Variants in POLR3E observed in about 807,000 individuals in gnomAD.
POLR3E encodes the protein RNA polymerase III subunit E.
A neutral mutation model predicts 96.6 loss-of-function variants in POLR3E; 41 were observed. That is an observed-to-expected ratio of 0.42 (90% CI 0.33 to 0.55). The LOEUF is 0.55. Ranked by LOEUF, POLR3E falls within the 20% of genes least tolerant of loss-of-function variation. The pLI is 0.06. For missense variants in POLR3E, 849 were observed against 952.1 expected (o/e 0.89, Z 1.43); for synonymous variants, 396 against 383.6 (o/e 1.03, Z -0.38).
At position 22,322,022 on chromosome 16, in the gene POLR3E, C is replaced by T. The variant is rs565375356; in HGVS notation, c.987-828C>T. On this transcript the variant is annotated intron_variant, in intron 13 of 20. Coordinates refer to ENST00000299853, the MANE Select transcript of POLR3E (RefSeq NM_018119.4). The surrounding 1 kb of genome is among the most constrained non-coding windows in gnomAD (Gnocchi z 5.2). ...CTGTTACATTTGAGCTCCCTGAATG[C>T]AGAGATCATGGCATGGACCAGGTTT... Among the ~76,000 whole-genome samples, 4 of 152,346 alleles carry T rather than the reference C, an allele frequency of 2.6e-5. No homozygotes were observed. The highest frequency in any genetic ancestry group is 5.9e-5 in the Non-Finnish European group (4 of 68,034).
chr16:22,306,589 G>A (rs1312074559), intron 3 of POLR3E, among the ~76,000 whole-genome samples: 3 of 152,212 alleles, frequency 2.0e-5, no homozygotes, highest in African/African-American at 7.2e-5. Flanking sequence ...ATGTTCCATT[G>A]TATGGGAGAC....
In POLR3E at chr16:22,318,397, T is replaced by C. The variant is rs117441360; in HGVS notation, c.866-429T>C. ...GTGTGAGCCAAAGCGCCCAGCCAAA[T>C]TTTGGACTTTCCCTGGGCCCTGCCC... On this transcript the variant is annotated intron_variant, in intron 12 of 20. Transcript: ENST00000299853. The surrounding 1 kb of genome is among the most constrained non-coding windows in gnomAD (Gnocchi z 5.0). Among the ~76,000 whole-genome samples, 132 of 152,236 alleles carry C rather than the reference T, an allele frequency of 8.7e-4. 2 individuals carry two copies. In the East Asian group the frequency reaches 0.016, roughly 18 times the overall value.
rs1257802067 is a variant in POLR3E at position 22,324,810 on chromosome 16, G to T, written c.1286+150G>T. ...CTGGATCTGGGTGTGAAGGGCAGGTGGGGGTCCGCAGGCCCCACGCTCCTC... is the reference window on the plus strand; with the variant it reads ...CTGGATCTGGGTGTGAAGGGCAGGTTGGGGTCCGCAGGCCCCACGCTCCTC... On this transcript the variant is annotated intron_variant, in intron 16 of 20. Coordinates refer to ENST00000299853, the MANE Select transcript of POLR3E (RefSeq NM_018119.4). 5 of 834,424 alleles carry T rather than the reference G, an allele frequency of 6.0e-6. No individual in the cohort carries two copies. In the Admixed American group the frequency reaches 1.0e-4, roughly 17 times the overall value. The allele number at this position is 834,424 out of a possible 1,614,324, so 51.7% of individuals were successfully genotyped here. A position where few individuals can be genotyped will look rare whatever the true frequency, so the allele number is the denominator to read the frequency against.
intron 2 of POLR3E, among the ~76,000 whole-genome samples, chr16:22,303,401 C>T (rs1429386693): frequency 1.3e-5 from 2 of 152,154 alleles, no homozygotes; most frequent in Non-Finnish European, 2.9e-5. Context: ...TGCCTGGCAC[C>T]CAGGTACCCG....
intron 20 of POLR3E, among the ~76,000 whole-genome samples, 185 bp downstream of exon 20, chr16:22,332,370 G>T (rs576906367): frequency 1.3e-5 from 2 of 152,288 alleles, no homozygotes; most frequent in South Asian, 4.2e-4. Flanking sequence ...AAGGGGGTAT[G>T]TGCCAGAGGA....
chr16:22,321,980 G>C (rs910187908), intron 13 of POLR3E, among the ~76,000 whole-genome samples: 1 of 152,242 alleles, frequency 6.6e-6, no homozygotes, highest in African/African-American at 2.4e-5. Context: ...TTCAGACACT[G>C]CCCCTGGGGA....
intron 12 of POLR3E, among the ~76,000 whole-genome samples, chr16:22,317,507 A>C (rs2048381904): frequency 6.6e-6 from 1 of 152,110 alleles, no homozygotes; most frequent in African/African-American, 2.4e-5. Flanking sequence ...CAGGTCATGA[A>C]CCTTTCTGAG....
Position 22,322,687 on chromosome 16 carries a change from A to T in POLR3E, c.987-163A>T, listed in dbSNP as rs1461983833. Among the ~76,000 whole-genome samples the T allele has an allele frequency of 6.6e-6, 1 of 151,266 alleles. No individual in the cohort carries two copies. The highest frequency in any genetic ancestry group is 1.5e-5 in the Non-Finnish European group (1 of 67,842). On this transcript the variant is annotated intron_variant, in intron 13 of 20. Coordinates refer to ENST00000299853, the MANE Select transcript of POLR3E (RefSeq NM_018119.4). The surrounding 1 kb of genome is among the most constrained non-coding windows in gnomAD (Gnocchi z 5.2). ...TGGGGTAGAGGGGTGCTTCTTTCCC[A>T]TGTCTGTGTTCACAGATGTGGCTCC...
intron 8 of POLR3E, 148 bp from the exon 9 acceptor site, chr16:22,314,941 A>G: frequency 1.3e-6 from 1 of 759,630 alleles, no homozygotes; most frequent in Non-Finnish European, 2.0e-6. Context: ...ACACGGTTGG[A>G]ACGGAATTTA....
chr16:22,325,825 C>A lies in POLR3E; in HGVS notation c.1413C>A (p.Asn471Lys), dbSNP rs1351555402. 3 of 1,610,276 alleles carry A rather than the reference C, an allele frequency of 1.9e-6. No individual in the cohort carries two copies. Among genetic ancestry groups the A allele is most frequent in the East Asian group, 4.5e-5 (2 of 44,848 alleles). ...TAGCCAAAACCAAGGCCCAGCAGAA[C>A]CACGCGTTGCTGGAGCGGGAGCTGC... ...IQVAKTKAQQ[N>K]HALLERELQR... The change falls in exon 18 of 21, where the codon AAC becomes AAA. Residue 471 changes from asparagine to lysine, a missense_variant. Transcript: ENST00000299853.
At chr16:22,321,736 C>G (rs993127076) in intron 13 of POLR3E, among the ~76,000 whole-genome samples, 7 of 152,182 alleles carry the variant, frequency 4.6e-5, no homozygotes, top group Admixed American at 2.6e-4. Context: ...GGAGGTGCTG[C>G]CCCTTTTAGT....
chr16:22,309,353 G>A (rs1184737777), intron 5 of POLR3E, 75 bp from the exon 6 acceptor site: 2 of 1,092,878 alleles, frequency 1.8e-6, no homozygotes, highest in Non-Finnish European at 2.8e-6. Flanking sequence ...TGTCTAGGGG[G>A]TGGGGTGCGC....
Position 22,326,202 on chromosome 16 carries a change from C to T in POLR3E, c.1790C>T (p.Thr597Ile). The T allele has an allele frequency of 1.9e-6, 3 of 1,613,938 alleles. No homozygotes were observed. Among genetic ancestry groups the T allele is most frequent in the Non-Finnish European group, 2.5e-6 (3 of 1,179,990 alleles). The stretch of plus-strand genomic sequence containing the variant: ...TTGGCCAGCCTGCCCCCCGGCCACA[C>T]ACTCTTCAGCGGCATCTCGGACCGC... ...LHLASLPPGH[T>I]LFSGISDRML... Residue 597 changes from threonine (T) to isoleucine (I), a missense_variant, in exon 18 of 21, where the codon ACA (threonine) becomes ATA (isoleucine). By Grantham distance (89) the Thr-to-Ile change is moderately conservative. Coordinates refer to ENST00000299853, the MANE Select transcript of POLR3E (RefSeq NM_018119.4).
chr16:22,299,906 C>T (rs988031194), intron 1 of POLR3E, among the ~76,000 whole-genome samples: 2 of 151,976 alleles, frequency 1.3e-5, no homozygotes, highest in Non-Finnish European at 2.9e-5. Flanking sequence ...GGGCGGGGGG[C>T]GCCTCACTAT....
chr16:22,315,122 C>T lies in POLR3E; in HGVS notation c.556C>T (p.Arg186Cys), dbSNP rs747148570. ...RFSRPESEQA[R>C]QRRVQSYEFL... ...CTCCCGGCCGGAGTCAGAGCAGGCC[C>T]GCCAGCGCCGTGTGCAGTCCTATGA... is the stretch of plus-strand genomic sequence containing the variant. Residue 186 changes from arginine to cysteine, a missense_variant, in exon 9 of 21, where the codon CGC becomes TGC. Coordinates refer to ENST00000299853, the MANE Select transcript of POLR3E (RefSeq NM_018119.4). 9.3e-6 allele frequency: 15 copies of T among 1,613,314 alleles called. No homozygotes were observed. Among genetic ancestry groups the T allele is most frequent in the South Asian group, 1.1e-5 (1 of 90,910 alleles).
rs528568722 is a variant in POLR3E, at chr16:22,311,691, T to C, written c.365-1929T>C. Among the ~76,000 whole-genome samples the C allele has an allele frequency of 2.6e-5, 4 of 152,124 alleles. No homozygotes were observed. The South Asian group carries it at 8.3e-4, about 32-fold the overall frequency. On this transcript the variant is annotated intron_variant, in intron 6 of 20. Transcript: ENST00000299853. ...AAAAATTTTTTGTTGAGGTGGGGTC[T>C]TGCTATGTTGCCCAGGCTGGTCTCG...
chr16:22,320,363 G>A (rs555800204), intron 13 of POLR3E, among the ~76,000 whole-genome samples: 1 of 152,188 alleles, frequency 6.6e-6, no homozygotes, highest in African/African-American at 2.4e-5. Context: ...CCGGGTTTAA[G>A]CGATTCTCCT....
Position 22,318,803 on chromosome 16 carries a change from G to T in POLR3E, c.866-23G>T. 6.2e-7 allele frequency: 1 copy of T among 1,607,002 alleles called. No homozygotes were observed. Among genetic ancestry groups the T allele is most frequent in the Non-Finnish European group, 8.5e-7 (1 of 1,175,980 alleles). ...AGGGCCCGGCCCCTCTTCCTTGTCT[G>T]ATGTCTCCTGCGTCCTCCTCAGTGA... On this transcript the variant is annotated intron_variant, in intron 12 of 20. Coordinates refer to ENST00000299853, the MANE Select transcript of POLR3E (RefSeq NM_018119.4). This position sits in a 1 kb window ranked among gnomAD's most constrained non-coding sequence, Gnocchi z 5.0.
chr16:22,308,152 C>T lies in POLR3E; in HGVS notation c.92C>T (p.Pro31Leu). 2.5e-6 allele frequency: 4 copies of T among 1,613,020 alleles called. No individual in the cohort carries two copies. The highest frequency in any genetic ancestry group is 3.4e-6 in the Non-Finnish European group (4 of 1,179,106). ...LAEKLYLFQYPVRPASMTYDD... is the reference protein window; with the variant it reads ...LAEKLYLFQYLVRPASMTYDD... ...TGGCTCCCTTCCCCTCCCCAGTACC[C>T]TGTGCGTCCAGCCTCGATGACCTAC... Residue 31 changes from proline (P) to leucine (L), a missense_variant, in exon 4 of 21, where the codon CCT becomes CTT. By Grantham distance (98) the Pro-to-Leu change is moderately conservative. Coordinates refer to ENST00000299853, the MANE Select transcript of POLR3E (RefSeq NM_018119.4).
Sources: gnomAD v4.1 joint callset for allele counts (sites outside exome capture counted in the v4.1 genomes callset) on GRCh38, gnomAD v4.1.1 for gene constraint, Gnocchi (gnomAD v3.1) non-coding constraint, MANE v1.5 for transcripts, NCBI Gene and HGNC (gene_info 2026-07-23, HGNC 2026-07-21) for gene names.